Variants in TRIM36 observed in about 807,000 individuals in gnomAD.
TRIM36 encodes tripartite motif containing 36.
TRIM36 carries 42 observed loss-of-function variants against 72.4 expected under a neutral mutation model. That is an observed-to-expected ratio of 0.58 (90% CI 0.45 to 0.75). TRIM36 has a LOEUF of 0.75. Ranked by LOEUF, TRIM36 falls within the 30% of genes least tolerant of loss-of-function variation. The pLI, the probability that TRIM36 is intolerant of heterozygous loss-of-function variation, is 0.00. For synonymous variants in TRIM36, 315 were observed against 282.8 expected, an observed-to-expected ratio of 1.11 and a Z score of -1.14; for missense variants, 913 against 857.1, an observed-to-expected ratio of 1.07 and a Z score of -0.81.
chr5:115,134,232 C>G, intron 7 of TRIM36, 85 bp from the exon 8 acceptor site: 2 of 1,287,742 alleles, frequency 1.6e-6, no homozygotes, highest in Non-Finnish European at 2.1e-6. Context: ...GACATATAAA[C>G]AGTATTTAAT....
chr5:115,143,146 C>A (rs1298724050), intron 4 of TRIM36, among the ~76,000 whole-genome samples: 1 of 139,826 alleles, frequency 7.2e-6, no homozygotes, highest in African/African-American at 2.7e-5. Context: ...GGCAAAGAAT[C>A]ACCCTACAGG....
intron 2 of TRIM36, among the ~76,000 whole-genome samples, chr5:115,147,681 C>T (rs1753670064): frequency 6.6e-6 from 1 of 152,042 alleles, no homozygotes; most frequent in Non-Finnish European, 1.5e-5. Flanking sequence ...AAAGATAAAA[C>T]ACGTAATACA....
chr5:115,138,080 G>A (rs1292352708), intron 5 of TRIM36, among the ~76,000 whole-genome samples: 2 of 152,048 alleles, frequency 1.3e-5, no homozygotes, highest in African/African-American at 4.8e-5. Flanking sequence ...CCCTTTCTAC[G>A]CTACTCCAAC....
intron 2 of TRIM36, among the ~76,000 whole-genome samples, chr5:115,156,013 A>C (rs1446733017): frequency 6.6e-6 from 1 of 152,188 alleles, no homozygotes; most frequent in Admixed American, 6.5e-5. Flanking sequence ...ACCAACAGCG[A>C]CCAAGCTGAG....
intron 2 of TRIM36, among the ~76,000 whole-genome samples, chr5:115,160,956 T>C (rs1239643165): frequency 6.6e-6 from 1 of 152,208 alleles, no homozygotes; most frequent in Non-Finnish European, 1.5e-5. Context: ...GCCCAATAAA[T>C]AGATGGCAAG....
intron 4 of TRIM36, among the ~76,000 whole-genome samples, chr5:115,143,725 T>C (rs770506405): frequency 3.3e-5 from 5 of 152,180 alleles, no homozygotes; most frequent in Non-Finnish European, 5.9e-5. Context: ...AGTAGGTACA[T>C]AGATGATTTC....
At chr5:115,153,617 T>G (rs1205566484) in intron 2 of TRIM36, 1 of 152,468 alleles carries the variant, frequency 6.6e-6, no homozygotes, top group Non-Finnish European at 1.5e-5. Flanking sequence ...GAGATTCTCC[T>G]GCCTCAGCCT....
chr5:115,161,421 G>A (rs974634516), intron 2 of TRIM36, among the ~76,000 whole-genome samples: 2 of 152,114 alleles, frequency 1.3e-5, no homozygotes, highest in African/African-American at 2.4e-5. Context: ...TGCAGACAGT[G>A]GCCACCCACC....
intron 9 of TRIM36, among the ~76,000 whole-genome samples, chr5:115,129,606 G>T (rs771247761): frequency 3.9e-5 from 6 of 152,060 alleles, no homozygotes; most frequent in Admixed American, 6.6e-5. Context: ...CTAAACCAAG[G>T]ATTACCAGGC....
chr5:115,178,943 G>A (rs1161312390), intron 1 of TRIM36, among the ~76,000 whole-genome samples: 1 of 152,144 alleles, frequency 6.6e-6, no homozygotes, highest in African/African-American at 2.4e-5. Flanking sequence ...CTGCGGCGTT[G>A]GAGTTAGTGG....
intron 5 of TRIM36, among the ~76,000 whole-genome samples, chr5:115,138,203 G>A (rs1019603486): frequency 2.6e-5 from 4 of 152,138 alleles, no homozygotes; most frequent in Non-Finnish European, 5.9e-5. Flanking sequence ...GGGTTCAGGT[G>A]ATTCTCCTGC....
At chr5:115,176,305 T>A (rs1755337086) in intron 1 of TRIM36, among the ~76,000 whole-genome samples, 1 of 152,268 alleles carries the variant, frequency 6.6e-6, no homozygotes, top group South Asian at 2.1e-4. Context: ...TAGTCTAGAT[T>A]TGAGGACTTT....
At chr5:115,163,833 G>C (rs1157502190) in intron 1 of TRIM36, 81 bp from the exon 2 acceptor site, 5 of 1,055,402 alleles carry the variant, frequency 4.7e-6, no homozygotes, top group Middle Eastern at 2.1e-4. Context: ...ATAAGTACAT[G>C]TGTTTATTTT....
At chr5:115,156,311 A>T (rs889418850) in intron 2 of TRIM36, among the ~76,000 whole-genome samples, 2 of 152,102 alleles carry the variant, frequency 1.3e-5, no homozygotes, top group Non-Finnish European at 2.9e-5. Flanking sequence ...AAAAAAAAAA[A>T]ATTCTAAAAT....
intron 2 of TRIM36, among the ~76,000 whole-genome samples, chr5:115,163,283 A>C (rs1235202397): frequency 6.6e-6 from 1 of 152,180 alleles, no homozygotes; most frequent in East Asian, 1.9e-4. Context: ...TAAGGAGTTT[A>C]ACACAAAGTT....
At chr5:115,164,311 T>C (rs1252279467) in intron 1 of TRIM36, among the ~76,000 whole-genome samples, 1 of 152,236 alleles carries the variant, frequency 6.6e-6, no homozygotes, top group Non-Finnish European at 1.5e-5. Flanking sequence ...GAGGTTCTCA[T>C]GCTGTATATC....
At chr5:115,177,883 G>C (rs1333884790) in intron 1 of TRIM36, 7 of 1,613,316 alleles carry the variant, frequency 4.3e-6, no homozygotes, top group Middle Eastern at 1.6e-4. Context: ...CTAGTGAAGA[G>C]AGAGACAGAG....
intron 2 of TRIM36, among the ~76,000 whole-genome samples, chr5:115,147,980 CA>C (rs1167835433): frequency 4.6e-5 from 7 of 152,142 alleles, no homozygotes; most frequent in African/African-American, 1.7e-4. Context: ...GATGTGACCA[CA>C]AAATTTTTAA....
In TRIM36 at chr5:115,133,954, G is replaced by C. The variant is rs142331557; in HGVS notation, c.1404C>G (p.Asn468Lys). The stretch of plus-strand genomic sequence containing the variant: ...TTACTCTGAAAGCATAGGTACTACT[G>C]TTTTCCAAGTCTTGAATTATTTTAC... ...GTSKIIQDLENSSTYAFRVRA... is the reference protein window; with the variant it reads ...GTSKIIQDLEKSSTYAFRVRA... Residue 468 changes from asparagine (N) to lysine (K), a missense_variant, in exon 8 of 10, where the codon AAC becomes AAG. Asn to Lys is a moderately conservative substitution (Grantham distance 94, BLOSUM62 0). Transcript: ENST00000513154. The C allele has an allele frequency of 1.0e-4, 169 of 1,613,730 alleles. No individual in the cohort carries two copies. In the African/African-American group the frequency reaches 2.1e-3, roughly 20 times the overall value.
Sources: gnomAD v4.1 joint callset for allele counts (sites outside exome capture counted in the v4.1 genomes callset) on GRCh38, gnomAD v4.1.1 for gene constraint, MANE v1.5 for transcripts, NCBI Gene and HGNC (gene_info 2026-07-23, HGNC 2026-07-21) for gene names.